Variants in ANK2 observed in about 807,000 individuals in gnomAD.
The protein encoded by ANK2 is ankyrin 2.
In ANK2, 83 loss-of-function variants were observed where a neutral mutation model predicts 360.5. The observed-to-expected ratio is 0.23, with a 90% confidence interval of 0.19 to 0.28. The LOEUF is 0.28. Ranked by LOEUF, ANK2 falls within the 10% of genes least tolerant of loss-of-function variation. The pLI, the probability that ANK2 is intolerant of heterozygous loss-of-function variation, is 1.00. For synonymous variants in ANK2, 1,740 were observed against 1,759.5 expected, an observed-to-expected ratio of 0.99 and a Z score of 0.28; for missense variants, 4,201 against 4,795.7, an observed-to-expected ratio of 0.88 and a Z score of 3.66.
chr4:112,943,558 C>T (rs955496337), intron 2 of ANK2, among the ~76,000 whole-genome samples: 2 of 151,886 alleles, frequency 1.3e-5, no homozygotes, highest in Admixed American at 1.3e-4. Flanking sequence ...GATTTCAGTC[C>T]TAAACTCAAT....
At chr4:112,930,995 G>T (rs1311147858) in intron 2 of ANK2, among the ~76,000 whole-genome samples, 1 of 152,066 alleles carries the variant, frequency 6.6e-6, no homozygotes, top group Non-Finnish European at 1.5e-5. Flanking sequence ...GAGAAAACAA[G>T]TTAGACAGGC....
At chr4:113,361,390 A>G (rs1459223419) in intron 39 of ANK2, among the ~76,000 whole-genome samples, 1 of 152,136 alleles carries the variant, frequency 6.6e-6, no homozygotes, top group Non-Finnish European at 1.5e-5. Context: ...GTTTAAGTAT[A>G]GAAATTTTAT....
At chr4:113,036,123 C>T (rs542002232) in intron 2 of ANK2, among the ~76,000 whole-genome samples, 120 of 151,864 alleles carry the variant, frequency 7.9e-4, no homozygotes, top group African/African-American at 2.8e-3. Flanking sequence ...GAATTGAAAA[C>T]GAAGACAGCT....
At chr4:112,822,400 A>T (rs4834306) in intron 1 of ANK2, among the ~76,000 whole-genome samples, 1 of 145,566 alleles carries the variant, frequency 6.9e-6, no homozygotes, top group Non-Finnish European at 1.5e-5. Context: ...CCTGGGCGAC[A>T]GAGCGAGATT....
upstream of ANK2, among the ~76,000 whole-genome samples, chr4:113,049,160 AG>A (rs956221022): frequency 6.6e-6 from 1 of 152,200 alleles, no homozygotes; most frequent in Non-Finnish European, 1.5e-5. Flanking sequence ...CCTTGAGTGT[AG>A]TTTCAAAAGA....
At chr4:112,822,431 A>AC (rs1473654925) in intron 1 of ANK2, among the ~76,000 whole-genome samples, 4 of 150,228 alleles carry the variant, frequency 2.7e-5, no homozygotes, top group Non-Finnish European at 4.4e-5. Flanking sequence ...AAAAAAAAAA[A>AC]AGAAAAACAA....
At chr4:113,161,616 A>G (rs984437687) in intron 1 of ANK2, among the ~76,000 whole-genome samples, 2 of 152,164 alleles carry the variant, frequency 1.3e-5, no homozygotes, top group Admixed American at 6.5e-5. Flanking sequence ...CTTATGGGAA[A>G]AATAAGAAAA....
intron 43 of ANK2, among the ~76,000 whole-genome samples, 159 bp from the exon 44 acceptor site, chr4:113,372,922 GTTATTACCC>G (rs1485263468): frequency 7.2e-5 from 11 of 152,162 alleles, no homozygotes; most frequent in Non-Finnish European, 1.6e-4. Context: ...TCCTAAGCAT[GTTATTACCC>G]ACTTGAGTTT....
chr4:112,924,239 G>A (rs975070936), intron 2 of ANK2, among the ~76,000 whole-genome samples: 1 of 151,812 alleles, frequency 6.6e-6, no homozygotes, highest in African/African-American at 2.4e-5. Flanking sequence ...GTGGTGGTGG[G>A]GCCCCTGTAA....
intron 22 of ANK2, among the ~76,000 whole-genome samples, chr4:113,299,047 T>C (rs760910910): frequency 8.5e-5 from 13 of 152,252 alleles, no homozygotes; most frequent in Non-Finnish European, 1.6e-4. Flanking sequence ...TTAATATCTA[T>C]ACAGAAAAAT....
rs867619295 is a variant in ANK2, at chr4:113,040,172, C to T, written c.22-134244C>T. On this transcript the variant is annotated intron_variant, in intron 2 of 30. Coordinates refer to the ANK2 transcript ENST00000503271. Reference sequence around the variant, plus strand: ...ATAGTAGAGCAAGCAGATGATAATGCGTCCTAAAAAACTGACCTAGCCGGG... The same window carrying T: ...ATAGTAGAGCAAGCAGATGATAATGTGTCCTAAAAAACTGACCTAGCCGGG... Among the ~76,000 whole-genome samples, 19 of 151,972 alleles carry T rather than the reference C, an allele frequency of 1.3e-4. 1 individual carries two copies. The highest frequency in any genetic ancestry group is 4.6e-4 in the African/African-American group (19 of 41,402).
In ANK2 at chr4:113,303,231, A is replaced by G. The variant is rs2075793231; in HGVS notation, c.2548+392A>G. Reference sequence around the variant, plus strand: ...ACTTTAAGTAAAGACTTTAAAGTATACTCCATCAATGAGTGTTCTTCAATT... The same window carrying G: ...ACTTTAAGTAAAGACTTTAAAGTATGCTCCATCAATGAGTGTTCTTCAATT... On this transcript the variant is annotated intron_variant, in intron 23 of 45. Coordinates refer to ENST00000357077, the MANE Select transcript of ANK2 (RefSeq NM_001148.6). Among the ~76,000 whole-genome samples, 3 of 152,148 alleles carry G rather than the reference A, an allele frequency of 2.0e-5. No individual in the cohort carries two copies. In the South Asian group the frequency reaches 6.2e-4, roughly 32 times the overall value.
the ANK2 span, among the ~76,000 whole-genome samples, chr4:112,795,714 G>T: frequency 6.6e-6 from 1 of 151,992 alleles, no homozygotes; most frequent in Non-Finnish European, 1.5e-5. Flanking sequence ...ATGTTGGCCA[G>T]GCTGGTCTCA....
At chr4:113,336,536 A>C in intron 30 of ANK2, 41 bp from the exon 31 acceptor site, 2 of 1,487,264 alleles carry the variant, frequency 1.3e-6, no homozygotes, top group Non-Finnish European at 1.8e-6. Flanking sequence ...ATTTTAAAAT[A>C]TATACACAAA....
chr4:113,259,522 G>T (rs993202670), intron 13 of ANK2, among the ~76,000 whole-genome samples: 3 of 152,030 alleles, frequency 2.0e-5, no homozygotes, highest in Non-Finnish European at 4.4e-5. Flanking sequence ...TCCATTGTGA[G>T]AATTAATTCA....
intron 1 of ANK2, among the ~76,000 whole-genome samples, chr4:113,138,594 T>C (rs779337814): frequency 2.8e-4 from 43 of 152,244 alleles, no homozygotes; most frequent in Non-Finnish European, 3.8e-4. Context: ...TGTCTATGTC[T>C]CTTGCTTAAT....
chr4:113,147,135 T>C (rs1176603411), intron 1 of ANK2, among the ~76,000 whole-genome samples: 1 of 151,942 alleles, frequency 6.6e-6, no homozygotes, highest in African/African-American at 2.4e-5. Context: ...AAGAGGACAG[T>C]AGTTCCAGCA....
At chr4:112,940,174 C>A (rs1294763116) in intron 2 of ANK2, among the ~76,000 whole-genome samples, 1 of 152,144 alleles carries the variant, frequency 6.6e-6, no homozygotes, top group African/African-American at 2.4e-5. Flanking sequence ...ATCACTACAG[C>A]AAACAAGAAA....
chr4:113,185,519 G>C (rs2098503722), intron 2 of ANK2, among the ~76,000 whole-genome samples: 1 of 152,154 alleles, frequency 6.6e-6, no homozygotes, highest in Non-Finnish European at 1.5e-5. Flanking sequence ...CTTCTTTTGA[G>C]AAGTGTCTGT....
Sources: gnomAD v4.1 joint callset for allele counts (sites outside exome capture counted in the v4.1 genomes callset) on GRCh38, gnomAD v4.1.1 for gene constraint, MANE v1.5 for transcripts, NCBI Gene and HGNC (gene_info 2026-07-23, HGNC 2026-07-21) for gene names.